Variants in CDK5RAP3 observed in about 807,000 individuals in gnomAD.
The protein encoded by CDK5RAP3 is CDK5 regulatory subunit associated protein 3, also known as CDK5 regulatory subunit-associated protein 3.
Under a neutral mutation model 73.3 loss-of-function variants are expected in CDK5RAP3, and 58 were observed. The ratio of observed to expected loss-of-function variants is 0.79; its 90% confidence interval spans 0.64 to 0.98. The LOEUF is 0.98. CDK5RAP3 is among the 50% of genes least tolerant of loss of function. The probability of loss-of-function intolerance (pLI) is 0.00; values close to 1 mark genes in which losing one functional copy is unlikely to be tolerated. For synonymous variants in CDK5RAP3, 224 were observed against 247.5 expected (o/e 0.91, Z 0.89); for missense variants, 525 against 615.8 (o/e 0.85, Z 1.56).
At position 47,978,602 on chromosome 17, in the gene CDK5RAP3, C is replaced by T. The variant is rs541762357; in HGVS notation, c.989-227C>T. Reference sequence around the variant, plus strand: ...GAGCAGAGAGCCGGCCTTTCTACCCCTCTGAACCCAGCTCTGGTCCTCCTC... The same window carrying T: ...GAGCAGAGAGCCGGCCTTTCTACCCTTCTGAACCCAGCTCTGGTCCTCCTC... On this transcript the variant is annotated intron_variant, in intron 10 of 13. Coordinates refer to ENST00000338399, the MANE Select transcript of CDK5RAP3 (RefSeq NM_176096.3). The T allele has an allele frequency of 5.5e-6, 3 of 541,036 alleles. No individual in the cohort carries two copies. In the South Asian group the frequency reaches 7.0e-5, roughly 13 times the overall value. The allele number at this position is 541,036 out of a possible 1,614,324, so 33.5% of individuals were successfully genotyped here.
rs182381677 is a variant in CDK5RAP3 at position 47,974,929 on chromosome 17, C to T, written c.335-230C>T. ...ATGCAAGGAATTGTGCTTGGTGTGT[C>T]ATGTGGATTCTCTCTTGCATCTTCA... On this transcript the variant is annotated intron_variant, in intron 5 of 13. Transcript: ENST00000338399. 3.5e-5 allele frequency: 49 copies of T among 1,409,516 alleles called. No individual in the cohort carries two copies. The Middle Eastern group carries it at 1.2e-3, about 33-fold the overall frequency. The allele number at this position is 1,409,516 out of a possible 1,614,324, so 87.3% of individuals were successfully genotyped here. A position where few individuals can be genotyped will look rare whatever the true frequency, so the allele number is the denominator to read the frequency against.
upstream of CDK5RAP3, chr17:47,971,090 T>G (rs1273030149): frequency 6.4e-7 from 1 of 1,551,362 alleles, no homozygotes; most frequent in Non-Finnish European, 8.7e-7. Context: ...CGCCACTGGA[T>G]TGGTGGTAGG....
chr17:47,979,089 A>C (rs538728915), intron 11 of CDK5RAP3, 172 bp downstream of exon 11: 5 of 602,546 alleles, frequency 8.3e-6, no homozygotes, highest in Non-Finnish European at 6.0e-6. Context: ...GTTACTTATC[A>C]GGTACCTCCT....
At chr17:47,980,526 C>G (rs1040612138) in intron 11 of CDK5RAP3, 67 bp from the exon 12 acceptor site, 2 of 1,468,172 alleles carry the variant, frequency 1.4e-6, no homozygotes, top group Non-Finnish European at 1.9e-6. Flanking sequence ...CTTGGCCTCC[C>G]ACAGTGCTGG....
chr17:47,978,517 G>C (rs920098786), intron 10 of CDK5RAP3: 10 of 340,036 alleles, frequency 2.9e-5, no homozygotes, highest in Non-Finnish European at 4.4e-5. Context: ...AGAAGACGTA[G>C]TGGTGTCTGA....
At chr17:47,976,348 C>T in intron 8 of CDK5RAP3, 1 of 369,958 alleles carries the variant, frequency 2.7e-6, no homozygotes, top group Non-Finnish European at 4.9e-6. Context: ...GAAGGCAGCC[C>T]CACCCTCCTT....
chr17:47,975,824 C>T (rs761472711), intron 7 of CDK5RAP3, 45 bp from the exon 8 acceptor site: 5 of 1,612,524 alleles, frequency 3.1e-6, no homozygotes, highest in Non-Finnish European at 4.2e-6. Context: ...CAGTGTTGGC[C>T]TTACGCATGG....
chr17:47,971,230 G>T, intron 1 of CDK5RAP3, 78 bp downstream of exon 1: 1 of 1,528,328 alleles, frequency 6.5e-7, no homozygotes. Flanking sequence ...CTCCGGAAGC[G>T]GCTCAACCCA....
chr17:47,974,927 G>A, intron 5 of CDK5RAP3: 1 of 1,408,024 alleles, frequency 7.1e-7, no homozygotes. Context: ...TGCTTGGTGT[G>A]TCATGTGGAT....
Position 47,973,628 on chromosome 17 carries a change from C to A in CDK5RAP3, c.162C>A (p.Ile54=). 6.2e-6 allele frequency: 10 copies of A among 1,614,096 alleles called. No homozygotes were observed. Among genetic ancestry groups the A allele is most frequent in the Non-Finnish European group, 8.5e-6 (10 of 1,180,020 alleles). The change falls in exon 3 of 14, where the codon ATC becomes ATA. Residue 54 remains isoleucine (I), a synonymous_variant. Transcript: ENST00000338399. The part of the protein sequence containing the change: ...AIQDMPESEE[I]AQLLSGSYIH... ...AGGACATGCCAGAGAGCGAAGAGATCGCCCAGCTGCTGTCTGGGTCCTGTG... is the reference window on the plus strand; with the variant it reads ...AGGACATGCCAGAGAGCGAAGAGATAGCCCAGCTGCTGTCTGGGTCCTGTG...
At chr17:47,977,148 TTTTGTTTG>T (rs1303869350) in intron 9 of CDK5RAP3, among the ~76,000 whole-genome samples, 1 of 147,674 alleles carries the variant, frequency 6.8e-6, no homozygotes, top group Non-Finnish European at 1.5e-5. Flanking sequence ...TAATTTTTTA[TTTTGTTTG>T]TTTGTTTGTT....
upstream of CDK5RAP3, chr17:47,970,548 C>A: frequency 1.1e-6 from 1 of 908,664 alleles, no homozygotes; most frequent in Non-Finnish European, 1.7e-6. Context: ...TAGGTGTTCT[C>A]TTTGGGACGT....
At chr17:47,974,542 G>A (rs1490536801) in intron 5 of CDK5RAP3, 94 bp downstream of exon 5, 2 of 1,605,470 alleles carry the variant, frequency 1.2e-6, no homozygotes, top group African/African-American at 2.7e-5. Context: ...CAGTCTGTGA[G>A]TGGGAAGAGA....
At chr17:47,976,085 C>G in intron 8 of CDK5RAP3, 72 bp downstream of exon 8, 3 of 1,543,778 alleles carry the variant, frequency 1.9e-6, no homozygotes, top group Admixed American at 3.8e-5. Context: ...CCCCAACAGC[C>G]CAACCCAAGA....
intron 2 of CDK5RAP3, among the ~76,000 whole-genome samples, chr17:47,972,093 GAA>G (rs11448169): frequency 3.5e-4 from 51 of 146,090 alleles, no homozygotes; most frequent in African/African-American, 1.0e-3. Context: ...ATTATGCCAG[GAA>G]AAAAAAAAAA....
chr17:47,970,883 C>T (rs1292389351), upstream of CDK5RAP3: 2 of 1,428,300 alleles, frequency 1.4e-6, no homozygotes, highest in African/African-American at 1.4e-5. Flanking sequence ...CACCCCCTCC[C>T]GTCCCCTGCC....
rs1471758422 is a variant in CDK5RAP3 at position 47,981,634 on chromosome 17, G to A, written c.*132G>A. On this transcript the variant is annotated 3_prime_UTR_variant, in exon 14 of 14. Coordinates refer to ENST00000338399, the MANE Select transcript of CDK5RAP3 (RefSeq NM_176096.3). ...AGATGGAAAGCCACAGGAAGGAAGC[G>A]GCACCTGATGGTGATCTTGGCACTC... The A allele has an allele frequency of 1.3e-5, 21 of 1,564,742 alleles. No individual in the cohort carries two copies. The highest frequency in any genetic ancestry group is 1.9e-5 in the Admixed American group (1 of 53,226).
chr17:47,979,836 C>T (rs555212340), intron 11 of CDK5RAP3: 1 of 152,272 alleles, frequency 6.6e-6, no homozygotes, highest in Admixed American at 6.5e-5. Flanking sequence ...CTCCCAGCCT[C>T]AAGGGGAGAG....
chr17:47,980,716 A>G lies in CDK5RAP3; in HGVS notation c.1201A>G (p.Met401Val). The change falls in exon 12 of 14, where the codon ATG (methionine) becomes GTG (valine). Residue 401 changes from methionine (M) to valine (V), a missense_variant. Met to Val is a conservative substitution (Grantham distance 21). Around this residue, in one of 2 missense-constraint regions of CDK5RAP3, gnomAD observed 116 missense variants for 186.1 expected, o/e 0.62. Transcript: ENST00000338399. ...CCAGACCAAAGAGAAGATGGTTACCATGGTGTCAGTGCTGGAGGATCTGAT... is the reference window on the plus strand; with the variant it reads ...CCAGACCAAAGAGAAGATGGTTACCGTGGTGTCAGTGCTGGAGGATCTGAT... ...QGQTKEKMVT[M>V]VSVLEDLIGK... 3 of 1,614,206 alleles carry G rather than the reference A, an allele frequency of 1.9e-6. No individual in the cohort carries two copies. The highest frequency in any genetic ancestry group is 2.5e-6 in the Non-Finnish European group (3 of 1,180,048).
Sources: gnomAD v4.1 joint callset for allele counts (sites outside exome capture counted in the v4.1 genomes callset) on GRCh38, gnomAD v4.1.1 for gene constraint, gnomAD v4.1.1 regional missense constraint, MANE v1.5 for transcripts, NCBI Gene and HGNC (gene_info 2026-07-23, HGNC 2026-07-21) for gene names.